The following PALMD variants were observed in gnomAD, a reference collection of about 807,000 sequenced individuals.
The protein encoded by PALMD is palmdelphin.
A neutral mutation model predicts 56.2 loss-of-function variants in PALMD; 42 were observed. That is an observed-to-expected ratio of 0.75 (90% CI 0.58 to 0.97). The LOEUF (loss-of-function observed/expected upper bound fraction) is 0.97, where lower values mean the gene tolerates loss of function less well. Among genes scored for constraint, PALMD ranks in the 50% least tolerant of loss-of-function variants. The pLI, the probability that PALMD is intolerant of heterozygous loss-of-function variation, is 0.00. For synonymous variants in PALMD, 242 were observed against 222.9 expected, an observed-to-expected ratio of 1.09 and a Z score of -0.76; for missense variants, 660 against 643.8, an observed-to-expected ratio of 1.03 and a Z score of -0.27.
At chr1:99,664,828 C>A (rs887919197) in intron 2 of PALMD, among the ~76,000 whole-genome samples, 6 of 152,132 alleles carry the variant, frequency 3.9e-5, no homozygotes, top group African/African-American at 1.4e-4. Context: ...CACTATACTT[C>A]AGTGACACAC....
chr1:99,688,936 G>A lies in PALMD; in HGVS notation c.676G>A (p.Ala226Thr). ...SVYAVSSNHS[A>T]AYNGTDGLAP... Reference sequence around the variant, plus strand: ...GTATGCAGTAAGTTCTAATCACAGTGCAGCATACAATGGCACCGATGGCCT... The same window carrying A: ...GTATGCAGTAAGTTCTAATCACAGTACAGCATACAATGGCACCGATGGCCT... Residue 226 changes from alanine (A) to threonine (T), a missense_variant, in exon 7 of 8, where the codon GCA becomes ACA. By Grantham distance (58) the Ala-to-Thr change is moderately conservative (BLOSUM62 0). Transcript: ENST00000263174. 1 of 1,613,548 alleles carries A rather than the reference G, an allele frequency of 6.2e-7. No individual in the cohort carries two copies. The highest frequency in any genetic ancestry group is 1.7e-5 in the Admixed American group (1 of 59,980).
intron 1 of PALMD, among the ~76,000 whole-genome samples, chr1:99,660,814 A>T (rs1652830768): frequency 6.6e-6 from 1 of 152,180 alleles, no homozygotes; most frequent in Admixed American, 6.5e-5. Flanking sequence ...TGAGCCCAGG[A>T]TGTCAAGGCT....
At chr1:99,679,012 G>C (rs947391846) in intron 3 of PALMD, among the ~76,000 whole-genome samples, 1 of 151,990 alleles carries the variant, frequency 6.6e-6, no homozygotes, top group African/African-American at 2.4e-5. Context: ...GGAATGTTGG[G>C]GGTGGGGGTT....
At chr1:99,665,678 T>C (rs2100861144) in intron 2 of PALMD, among the ~76,000 whole-genome samples, 1 of 152,302 alleles carries the variant, frequency 6.6e-6, no homozygotes, top group South Asian at 2.1e-4. Flanking sequence ...GCTATGTGTG[T>C]CATTGGCTGG....
intron 2 of PALMD, 131 bp from the exon 3 acceptor site, chr1:99,667,511 G>T (rs1652992986): frequency 1.3e-6 from 1 of 766,486 alleles, no homozygotes; most frequent in Non-Finnish European, 2.2e-6. Context: ...ATTTATTCAG[G>T]CAAGGCACTG....
intron 3 of PALMD, chr1:99,684,520 A>ACTGT (rs1653443423): frequency 2.0e-5 from 3 of 148,900 alleles, no homozygotes; most frequent in South Asian, 2.1e-4. Context: ...AATGAGTTTT[A>ACTGT]TTGTTTGTTT....
intron 1 of PALMD, among the ~76,000 whole-genome samples, chr1:99,655,557 G>A (rs921603794): frequency 1.3e-5 from 2 of 151,892 alleles, no homozygotes; most frequent in Non-Finnish European, 2.9e-5. Flanking sequence ...TCACCTCTTT[G>A]CCTCTTCAAA....
intron 2 of PALMD, among the ~76,000 whole-genome samples, chr1:99,665,700 T>C (rs886113205): frequency 6.6e-6 from 1 of 152,146 alleles, no homozygotes; most frequent in African/African-American, 2.4e-5. Context: ...ACTTTCCTTA[T>C]AGGTGGTTTG....
At chr1:99,649,236 A>G (rs1217085758) in intron 1 of PALMD, among the ~76,000 whole-genome samples, 14 of 152,226 alleles carry the variant, frequency 9.2e-5, no homozygotes, top group Admixed American at 9.2e-4. Context: ...CTAGAAGTTC[A>G]GTTTTCAACT....
intron 3 of PALMD, among the ~76,000 whole-genome samples, chr1:99,670,240 C>T (rs1033431296): frequency 2.6e-5 from 4 of 152,146 alleles, no homozygotes; most frequent in Admixed American, 1.3e-4. Context: ...ACTTTTAGAT[C>T]TTCATGATGC....
At chr1:99,678,927 TAA>T (rs1461794715) in intron 3 of PALMD, among the ~76,000 whole-genome samples, 1 of 150,814 alleles carries the variant, frequency 6.6e-6, no homozygotes, top group Non-Finnish European at 1.5e-5. Context: ...GCCCAGGAGT[TAA>T]AGACAAGCCT....
chr1:99,690,427 T>A (rs1210323275), intron 7 of PALMD, among the ~76,000 whole-genome samples: 1 of 152,140 alleles, frequency 6.6e-6, no homozygotes, highest in Non-Finnish European at 1.5e-5. Context: ...GTTTATTTTA[T>A]GTTTTCTATA....
Position 99,687,130 on chromosome 1 carries a change from C to T in PALMD, c.455C>T (p.Pro152Leu). 6.2e-7 allele frequency: 1 copy of T among 1,604,656 alleles called. No individual in the cohort carries two copies. The highest frequency in any genetic ancestry group is 8.5e-7 in the Non-Finnish European group (1 of 1,172,344). Reference protein sequence around the residue: ...NIPDLPKSYIPSRLRKEINEE... With the variant: ...NIPDLPKSYILSRLRKEINEE... The stretch of plus-strand genomic sequence containing the variant: ...CCTGACCTTCCAAAGTCCTACATAC[C>T]TTCTAGGTTAAGGAAGGAGATAAAT... Residue 152 changes from proline (P) to leucine (L), a missense_variant, in exon 6 of 8, where the codon CCT (proline) becomes CTT (leucine). Pro to Leu is a moderately conservative substitution (Grantham distance 98). Transcript: ENST00000263174.
At chr1:99,677,191 T>A (rs1653235572) in intron 3 of PALMD, among the ~76,000 whole-genome samples, 1 of 152,054 alleles carries the variant, frequency 6.6e-6, no homozygotes, top group Non-Finnish European at 1.5e-5. Flanking sequence ...AATTTTTCTG[T>A]TTTTCTAGTT....
rs1162112592 is a variant in PALMD, at chr1:99,689,034, T to C, written c.774T>C (p.His258=). The C allele has an allele frequency of 5.6e-6, 9 of 1,613,678 alleles. No individual in the cohort carries two copies. Among genetic ancestry groups the C allele is most frequent in the Admixed American group, 5.0e-5 (3 of 59,942 alleles). The part of the protein sequence containing the change: ...ERNSKSPTEY[H]EPVYANPFYR... The stretch of plus-strand genomic sequence containing the variant: ...ACTCTAAATCCCCAACAGAGTATCA[T>C]GAGCCTGTATATGCCAATCCCTTTT... The change falls in exon 7 of 8, where the codon CAT becomes CAC. Residue 258 remains histidine (H), a synonymous_variant. Coordinates refer to ENST00000263174, the MANE Select transcript of PALMD (RefSeq NM_017734.5).
intron 3 of PALMD, chr1:99,669,500 AG>A (rs1653039440): frequency 6.6e-6 from 1 of 152,166 alleles, no homozygotes; most frequent in Admixed American, 6.5e-5. Context: ...TTATCTCTGA[AG>A]GAGTCCTGAA....
intron 7 of PALMD, among the ~76,000 whole-genome samples, chr1:99,690,575 C>T (rs1245816590): frequency 6.6e-6 from 1 of 152,064 alleles, no homozygotes. Flanking sequence ...TGGAAAATAA[C>T]TTTAACACTT....
intron 3 of PALMD, among the ~76,000 whole-genome samples, chr1:99,678,896 C>T (rs1653276994): frequency 6.6e-6 from 1 of 151,280 alleles, no homozygotes; most frequent in African/African-American, 2.4e-5. Context: ...GAGGCCAAGG[C>T]AAGGCGGGAG....
At chr1:99,665,386 CTT>C in intron 2 of PALMD, among the ~76,000 whole-genome samples, 1 of 152,112 alleles carries the variant, frequency 6.6e-6, no homozygotes, top group East Asian at 1.9e-4. Context: ...CAAAATAACT[CTT>C]TTGATTACTA....
Sources: gnomAD v4.1 joint callset for allele counts (sites outside exome capture counted in the v4.1 genomes callset) on GRCh38, gnomAD v4.1.1 for gene constraint, MANE v1.5 for transcripts, NCBI Gene and HGNC (gene_info 2026-07-23, HGNC 2026-07-21) for gene names.